BPIFC: variants seen among roughly 807,000 people sequenced by gnomAD.
BPIFC encodes the protein BPI fold-containing family C protein.
Under a neutral mutation model 57.6 loss-of-function variants are expected in BPIFC, and 60 were observed. The observed-to-expected ratio is 1.04, with a 90% CI of 0.85 to 1.29. The LOEUF (loss-of-function observed/expected upper bound fraction) is 1.29. BPIFC is among the 50% of genes most tolerant of loss of function. The probability of loss-of-function intolerance (pLI) is 0.00; values close to 1 mark genes in which losing one functional copy is unlikely to be tolerated. For synonymous variants in BPIFC, 243 were observed against 224.5 expected, an observed-to-expected ratio of 1.08 and a Z score of -0.74; for missense variants, 581 against 600.5, an observed-to-expected ratio of 0.97 and a Z score of 0.34.
chr22:32,426,177 C>G (rs1238159002), intron 13 of BPIFC, among the ~76,000 whole-genome samples: 1 of 152,200 alleles, frequency 6.6e-6, no homozygotes, highest in Non-Finnish European at 1.5e-5. Flanking sequence ...CCATGTTGTT[C>G]TGGGGAGAGT....
At chr22:32,416,982 C>A (rs1471744657) in intron 15 of BPIFC, 103 bp downstream of exon 15, 1 of 1,055,906 alleles carries the variant, frequency 9.5e-7, no homozygotes, top group African/African-American at 1.6e-5. Context: ...GATAGAAGTA[C>A]AAGCTTCAGG....
In BPIFC at chr22:32,453,494, G is replaced by A; in HGVS notation, c.134C>T (p.Ala45Val). The stretch of plus-strand genomic sequence containing the variant: ...CATTTGCTCAATCATCTTCATTCCA[G>A]CTTGAACACCTGTGAAGGAAACAAG... ...TQRALDYGVQ[A>V]GMKMIEQMLK... Residue 45 changes from alanine (A) to valine (V), a missense_variant, in exon 4 of 17, where the codon GCT becomes GTT. Ala to Val is a moderately conservative substitution (Grantham distance 64, BLOSUM62 0). Transcript: ENST00000300399. The A allele has an allele frequency of 1.3e-6, 2 of 1,594,916 alleles. No homozygotes were observed. Among genetic ancestry groups the A allele is most frequent in the South Asian group, 2.3e-5 (2 of 86,664 alleles).
chr22:32,420,754 A>C (rs1188787718), intron 13 of BPIFC, among the ~76,000 whole-genome samples: 10 of 152,242 alleles, frequency 6.6e-5, no homozygotes, highest in Non-Finnish European at 1.3e-4. Flanking sequence ...GAGATAATAG[A>C]CACGCTAATT....
intron 2 of BPIFC, among the ~76,000 whole-genome samples, chr22:32,458,322 A>G (rs893698402): frequency 6.6e-6 from 1 of 152,178 alleles, no homozygotes; most frequent in African/African-American, 2.4e-5. Context: ...TCTTCCTGGC[A>G]TAGTCTTCCT....
chr22:32,463,534 C>T (rs1168455239), intron 1 of BPIFC, among the ~76,000 whole-genome samples: 3 of 152,118 alleles, frequency 2.0e-5, no homozygotes, highest in East Asian at 3.9e-4. Context: ...CACAGATGGT[C>T]CTACTACTAC....
chr22:32,464,252 G>T, intron 1 of BPIFC, 122 bp downstream of exon 1: 1 of 300,196 alleles, frequency 3.3e-6, no homozygotes, highest in Non-Finnish European at 4.9e-6. Context: ...AATCTAGGCA[G>T]ACAATAATAA....
chr22:32,445,278 C>A (rs1401681624), intron 7 of BPIFC, among the ~76,000 whole-genome samples: 1 of 152,216 alleles, frequency 6.6e-6, no homozygotes, highest in African/African-American at 2.4e-5. Context: ...TGGCTCATGC[C>A]TGTAATCCCA....
rs553472290 is a variant in BPIFC, at chr22:32,431,933, C to G, written c.1149+440G>C. On this transcript the variant is annotated intron_variant, in intron 12 of 16. Coordinates refer to ENST00000300399, the MANE Select transcript of BPIFC (RefSeq NM_174932.3). ...TCCCATCCTGCCACACATACCCTTCCCTCAACTCTGACCTCACTGAGACAG... is the reference window on the plus strand; with the variant it reads ...TCCCATCCTGCCACACATACCCTTCGCTCAACTCTGACCTCACTGAGACAG... Among the ~76,000 whole-genome samples the G allele has an allele frequency of 7.2e-5, 11 of 152,132 alleles. No homozygotes were observed. The South Asian group carries it at 1.2e-3, about 17-fold the overall frequency.
intron 1 of BPIFC, among the ~76,000 whole-genome samples, chr22:32,462,818 CT>C (rs1355175353): frequency 2.0e-5 from 3 of 152,042 alleles, no homozygotes; most frequent in Non-Finnish European, 4.4e-5. Flanking sequence ...CACCATTTTC[CT>C]TTTTGTTGTT....
At chr22:32,422,673 A>G (rs956612331) in intron 13 of BPIFC, among the ~76,000 whole-genome samples, 3 of 152,058 alleles carry the variant, frequency 2.0e-5, no homozygotes, top group African/African-American at 7.2e-5. Flanking sequence ...ATACCGCTGC[A>G]TTTCAGTCTG....
At position 32,432,363 on chromosome 22, in the gene BPIFC, C is replaced by T. The variant is rs554298521; in HGVS notation, c.1149+10G>A. The T allele has an allele frequency of 3.1e-6, 5 of 1,613,734 alleles. No individual in the cohort carries two copies. In the African/African-American group the frequency reaches 4.0e-5, roughly 13 times the overall value. On this transcript the variant is annotated intron_variant, in intron 12 of 16. Transcript: ENST00000300399. ...ATCTACAGGCTGCTCCACTGTCTCC[C>T]CAGACTTACGAAGTCCATGGAAACG...
chr22:32,453,617 A>G (rs1934957958), intron 3 of BPIFC, 114 bp from the exon 4 acceptor site: 4 of 1,286,624 alleles, frequency 3.1e-6, no homozygotes, highest in Non-Finnish European at 4.1e-6. Context: ...GATACTTAGA[A>G]AATGGCAACC....
Position 32,444,165 on chromosome 22 carries a change from G to A in BPIFC, c.595-1434C>T, listed in dbSNP as rs1934647438. ...CATTCTTCACTGGCCTCCTGTCAGA[G>A]GCAAAAGGACCGTGCCTCGTTTCAA... On this transcript the variant is annotated intron_variant, in intron 7 of 16. Transcript: ENST00000300399. Among the ~76,000 whole-genome samples the A allele has an allele frequency of 1.3e-5, 2 of 152,156 alleles. 1 individual carries two copies. The highest frequency in any genetic ancestry group is 4.1e-4 in the South Asian group (2 of 4,822).
At chr22:32,425,627 T>C (rs1454659421) in intron 13 of BPIFC, among the ~76,000 whole-genome samples, 1 of 152,106 alleles carries the variant, frequency 6.6e-6, no homozygotes, top group Non-Finnish European at 1.5e-5. Context: ...TCATGACTAT[T>C]CTTTATTATT....
At chr22:32,434,982 T>C (rs999671397) in intron 10 of BPIFC, among the ~76,000 whole-genome samples, 4 of 81,786 alleles carry the variant, frequency 4.9e-5, no homozygotes. Flanking sequence ...GTCAGCATAA[T>C]ACAGGGAATA....
At chr22:32,452,325 C>G (rs1934917326) in intron 4 of BPIFC, among the ~76,000 whole-genome samples, 1 of 152,202 alleles carries the variant, frequency 6.6e-6, no homozygotes, top group Non-Finnish European at 1.5e-5. Context: ...CACCATCTCT[C>G]TTCCTCCTTG....
chr22:32,441,703 G>A (rs1051695511), intron 8 of BPIFC, among the ~76,000 whole-genome samples: 1 of 152,038 alleles, frequency 6.6e-6, no homozygotes, highest in African/African-American at 2.4e-5. Flanking sequence ...AATCCTCCAG[G>A]GTTTAGCACA....
At position 32,432,542 on chromosome 22, in the gene BPIFC, A is replaced by T; in HGVS notation, c.980T>A (p.Ile327Asn). Residue 327 changes from isoleucine (I) to asparagine (N), a missense_variant and splice_region_variant, in exon 12 of 17, where the codon ATT becomes AAT. Ile to Asn is a moderately radical substitution (Grantham distance 149). Coordinates refer to ENST00000300399, the MANE Select transcript of BPIFC (RefSeq NM_174932.3). Reference protein sequence around the residue: ...SQGLGNVLSRIAEIYILSQPF... With the variant: ...SQGLGNVLSRNAEIYILSQPF... Reference sequence around the variant, plus strand: ...CTGGGACAAGATGTAGATCTCTGCAATCTGCCCACATTCCGAGAAAGAAAT... The same window carrying T: ...CTGGGACAAGATGTAGATCTCTGCATTCTGCCCACATTCCGAGAAAGAAAT... 1 of 1,612,582 alleles carries T rather than the reference A, an allele frequency of 6.2e-7. No homozygotes were observed. The highest frequency in any genetic ancestry group is 8.5e-7 in the Non-Finnish European group (1 of 1,179,236).
Position 32,417,084 on chromosome 22 carries a change from C to T in BPIFC, c.1324+1G>A. The T allele has an allele frequency of 1.3e-6, 2 of 1,592,960 alleles. No individual in the cohort carries two copies. Among genetic ancestry groups the T allele is most frequent in the Non-Finnish European group, 1.7e-6 (2 of 1,160,812 alleles). ...CACATTGTTTTCCAATAATCCCTTA[C>T]CATTGGCCAGTGGGAGGACTCCAAA... On this transcript the variant is annotated splice_donor_variant, in intron 15 of 16. Transcript: ENST00000300399. LOFTEE classifies it high-confidence loss of function.
Sources: allele counts gnomAD v4.1 joint callset (sites outside exome capture counted in the v4.1 genomes callset), GRCh38; gene constraint gnomAD v4.1.1; transcripts MANE v1.5; gene names NCBI Gene and HGNC (gene_info 2026-07-23, HGNC 2026-07-21).